The following CAAP1 variants were observed in gnomAD, a reference collection of about 807,000 sequenced individuals.
CAAP1 encodes the protein caspase activity and apoptosis inhibitor 1.
CAAP1 carries 20 observed loss-of-function variants against 34.0 expected under a neutral mutation model. That is an observed-to-expected ratio of 0.59 (90% CI 0.41 to 0.86). CAAP1 has a LOEUF of 0.86. Among genes scored for constraint, CAAP1 ranks in the 40% least tolerant of loss-of-function variants. The pLI, the probability that CAAP1 is intolerant of heterozygous loss-of-function variation, is 0.00. For synonymous variants in CAAP1, 213 were observed against 166.7 expected (o/e 1.28, Z -2.14); for missense variants, 538 against 450.5 (o/e 1.19, Z -1.76).
intron 5 of CAAP1, among the ~76,000 whole-genome samples, chr9:26,853,828 T>C (rs762073122): frequency 7.2e-5 from 11 of 152,172 alleles, no homozygotes; most frequent in African/African-American, 1.7e-4. Flanking sequence ...CAGATACAGA[T>C]AGATATGAAA....
At chr9:26,861,959 A>C (rs950790917) in intron 4 of CAAP1, among the ~76,000 whole-genome samples, 18 of 152,330 alleles carry the variant, frequency 1.2e-4, no homozygotes, top group African/African-American at 3.4e-4. Flanking sequence ...TTCTTTGAGA[A>C]GTTTACAATA....
Position 26,883,825 on chromosome 9 carries a change from T to A in CAAP1, c.665+985A>T, listed in dbSNP as rs564184425. Reference sequence around the variant, plus strand: ...TTGTAAATGCTTAAACTAGTGGAACTAAATTAGTATACTACATAAATGATC... The same window carrying A: ...TTGTAAATGCTTAAACTAGTGGAACAAAATTAGTATACTACATAAATGATC... On this transcript the variant is annotated intron_variant, in intron 4 of 5. Coordinates refer to ENST00000333916, the MANE Select transcript of CAAP1 (RefSeq NM_024828.4). 3.9e-5 allele frequency among the ~76,000 whole-genome samples: 6 copies of A among 152,340 alleles called. No individual in the cohort carries two copies. The South Asian group carries it at 1.2e-3, about 32-fold the overall frequency.
rs182686873 is a variant in CAAP1 at position 26,863,095 on chromosome 9, C to T, written c.666-1956G>A. Among the ~76,000 whole-genome samples, 560 of 152,192 alleles carry T rather than the reference C, an allele frequency of 3.7e-3. 3 individuals are homozygous for T. Among genetic ancestry groups the T allele is most frequent in the Non-Finnish European group, 6.8e-3 (462 of 67,982 alleles). ...TTTAATAATAATGCAATGTAACTGC[C>T]TTCCCTATGAAAGCCTCTTAGAGCC... On this transcript the variant is annotated intron_variant, in intron 4 of 5. Coordinates refer to ENST00000333916, the MANE Select transcript of CAAP1 (RefSeq NM_024828.4).
chr9:26,892,592 C>T lies in CAAP1; in HGVS notation c.124G>A (p.Gly42Ser), dbSNP rs773476276. 9.3e-6 allele frequency: 15 copies of T among 1,606,246 alleles called. No homozygotes were observed. The highest frequency in any genetic ancestry group is 1.6e-4 in the Middle Eastern group (1 of 6,070). The change falls in exon 1 of 6, where the codon GGC (glycine) becomes AGC (serine). Residue 42 changes from glycine (G) to serine (S), a missense_variant. Coordinates refer to ENST00000333916, the MANE Select transcript of CAAP1 (RefSeq NM_024828.4). ...CCGCAGCCCCCGGCGCTCCCGCAGC[C>T]GCTAGTGCTTCCACTGCTGCCGCTG... ...LASGSSGSTS[G>S]CGSAGGCGSV...
chr9:26,892,719 C>G lies in CAAP1; in HGVS notation c.-4G>C, dbSNP rs1823944845. 1 of 1,580,724 alleles carries G rather than the reference C, an allele frequency of 6.3e-7. No individual in the cohort carries two copies. The highest frequency in any genetic ancestry group is 1.1e-5 in the South Asian group (1 of 88,816). Reference sequence around the variant, plus strand: ...GGGAGGACTTTTTCCCCGTCATGATCCCTCTGCTGCAACCATCGGAGGAAA... The same window carrying G: ...GGGAGGACTTTTTCCCCGTCATGATGCCTCTGCTGCAACCATCGGAGGAAA... On this transcript the variant is annotated 5_prime_UTR_variant, in exon 1 of 6. Transcript: ENST00000333916.
At chr9:26,892,319 A>G in intron 1 of CAAP1, 94 bp downstream of exon 1, 1 of 1,550,882 alleles carries the variant, frequency 6.4e-7, no homozygotes, top group Non-Finnish European at 8.7e-7. Context: ...CCGCGCTAGC[A>G]GTGAGCTCCA....
At position 26,892,416 on chromosome 9, in the gene CAAP1, C is replaced by T; in HGVS notation, c.300G>A (p.Gln100=). 1 of 1,604,870 alleles carries T rather than the reference C, an allele frequency of 6.2e-7. No homozygotes were observed. The highest frequency in any genetic ancestry group is 8.5e-7 in the Non-Finnish European group (1 of 1,178,160). Residue 100 remains glutamine, a synonymous_variant, in exon 1 of 6, where the codon CAG becomes CAA. Coordinates refer to ENST00000333916, the MANE Select transcript of CAAP1 (RefSeq NM_024828.4). ...TDSSSVSGSL[Q]QETKYILPTL... ...GGCCAGAGGGGCGCGCACGCACCTGCTGCAAGGAGCCCGAGACGCTGGAAG... is the reference window on the plus strand; with the variant it reads ...GGCCAGAGGGGCGCGCACGCACCTGTTGCAAGGAGCCCGAGACGCTGGAAG...
chr9:26,843,435 T>G (rs1822524607), intron 5 of CAAP1, among the ~76,000 whole-genome samples: 1 of 152,214 alleles, frequency 6.6e-6, no homozygotes, highest in African/African-American at 2.4e-5. Flanking sequence ...AATTTATCTT[T>G]TAAATATTGA....
chr9:26,883,885 A>G (rs1823661993), intron 4 of CAAP1, among the ~76,000 whole-genome samples: 1 of 152,212 alleles, frequency 6.6e-6, no homozygotes, highest in Non-Finnish European at 1.5e-5. Context: ...GCCAATAGTA[A>G]GACATTAAAA....
chr9:26,892,758 G>A lies in CAAP1; in HGVS notation c.-43C>T, dbSNP rs765950878. ...CATCGGAGGAAAGTCCGCTGTCTCT[G>A]GTGCGACCGAAGCCCGACTCCTGCG... On this transcript the variant is annotated 5_prime_UTR_variant, in exon 1 of 6. Transcript: ENST00000333916. 2.6e-6 allele frequency: 4 copies of A among 1,529,362 alleles called. No individual in the cohort carries two copies. In the South Asian group the frequency reaches 3.7e-5, roughly 14 times the overall value. The allele number at this position is 1,529,362 out of a possible 1,614,324, so 94.7% of individuals were successfully genotyped here. A position where few individuals can be genotyped will look rare whatever the true frequency, so the allele number is the denominator to read the frequency against.
chr9:26,858,531 G>A (rs12345414), intron 5 of CAAP1, among the ~76,000 whole-genome samples: 6,485 of 152,142 alleles, frequency 0.043, 473 homozygotes, highest in African/African-American at 0.15. Context: ...TTTAAAAAAA[G>A]GTTAAAACTG....
At chr9:26,892,099 GAAA>G (rs1750735006) in intron 1 of CAAP1, among the ~76,000 whole-genome samples, 1 of 152,122 alleles carries the variant, frequency 6.6e-6, no homozygotes, top group Admixed American at 6.5e-5. Flanking sequence ...GCTCGCAAGG[GAAA>G]TGAAGGCTAG....
chr9:26,859,037 AT>A (rs1822944610), intron 5 of CAAP1, among the ~76,000 whole-genome samples: 1 of 151,108 alleles, frequency 6.6e-6, no homozygotes, highest in Non-Finnish European at 1.5e-5. Flanking sequence ...TAATTTAACT[AT>A]TTGCTAATCA....
At chr9:26,887,071 GCATGGTGGTT>G (rs1408221356) in intron 2 of CAAP1, among the ~76,000 whole-genome samples, 4 of 152,072 alleles carry the variant, frequency 2.6e-5, no homozygotes, top group African/African-American at 9.7e-5. Flanking sequence ...AATTAGCCGG[GCATGGTGGTT>G]CATGCCTGTA....
chr9:26,879,637 A>C (rs1449962622), intron 4 of CAAP1, among the ~76,000 whole-genome samples: 1 of 152,194 alleles, frequency 6.6e-6, no homozygotes, highest in Non-Finnish European at 1.5e-5. Flanking sequence ...GGCACCATCT[A>C]ATCAGCTGCC....
At chr9:26,870,256 A>G (rs1015531901) in intron 4 of CAAP1, among the ~76,000 whole-genome samples, 4 of 152,058 alleles carry the variant, frequency 2.6e-5, no homozygotes, top group African/African-American at 9.7e-5. Flanking sequence ...CCTATTTAAA[A>G]GTAACTATAC....
At chr9:26,855,512 A>C (rs574557202) in intron 5 of CAAP1, among the ~76,000 whole-genome samples, 1 of 152,330 alleles carries the variant, frequency 6.6e-6, no homozygotes, top group Non-Finnish European at 1.5e-5. Flanking sequence ...AAATTGGTTC[A>C]CTTGGGGAAG....
intron 5 of CAAP1, among the ~76,000 whole-genome samples, chr9:26,850,819 T>C (rs1822731997): frequency 6.6e-6 from 1 of 152,240 alleles, no homozygotes; most frequent in Non-Finnish European, 1.5e-5. Flanking sequence ...AATTTAGATT[T>C]AAGTGCATTA....
chr9:26,848,448 G>A (rs529883105), intron 5 of CAAP1, among the ~76,000 whole-genome samples: 66 of 152,248 alleles, frequency 4.3e-4, no homozygotes, highest in African/African-American at 1.1e-3. Context: ...CCCGGGAGGC[G>A]GAGCTTGCAG....
Sources: allele counts gnomAD v4.1 joint callset (sites outside exome capture counted in the v4.1 genomes callset), GRCh38; gene constraint gnomAD v4.1.1; transcripts MANE v1.5; gene names NCBI Gene and HGNC (gene_info 2026-07-23, HGNC 2026-07-21).